Variants in TAPT1 observed in about 807,000 individuals in gnomAD.
TAPT1 encodes the protein transmembrane anterior posterior transformation protein 1 homolog.
In TAPT1, 28 loss-of-function variants were observed where a neutral mutation model predicts 65.6. The observed-to-expected ratio is 0.43, with a 90% confidence interval of 0.32 to 0.59. The LOEUF is 0.59. TAPT1 is among the 20% of genes least tolerant of loss of function. TAPT1 has a pLI of 0.09. For synonymous variants in TAPT1, 278 were observed against 245.2 expected (o/e 1.13, Z -1.25); for missense variants, 563 against 679.9 (o/e 0.83, Z 1.91).
Position 16,174,109 on chromosome 4 carries a change from A to C in TAPT1, c.1236+95T>G, listed in dbSNP as rs1748174953. The C allele has an allele frequency of 1.4e-5, 15 of 1,056,626 alleles. No homozygotes were observed. In the South Asian group the frequency reaches 2.4e-4, roughly 17 times the overall value. The allele number at this position is 1,056,626 out of a possible 1,614,324, so 65.5% of individuals were successfully genotyped here. A position where few individuals can be genotyped will look rare whatever the true frequency, so the allele number is the denominator to read the frequency against. ...TTATTTACCCTTAATTTTTATATCA[A>C]GTCCTTTTGAAACAATCATATTAAT... On this transcript the variant is annotated intron_variant, in intron 11 of 13. Transcript: ENST00000405303.
chr4:16,186,739 G>T, intron 6 of TAPT1, 42 bp downstream of exon 6: 1 of 1,463,188 alleles, frequency 6.8e-7, no homozygotes. Context: ...CAGCTGAAAT[G>T]CCTGTATAAC....
chr4:16,181,409 T>G (rs1349402123), intron 7 of TAPT1, among the ~76,000 whole-genome samples: 1 of 152,234 alleles, frequency 6.6e-6, no homozygotes, highest in East Asian at 1.9e-4. Flanking sequence ...AAGTAACTTT[T>G]GTAAACTCTA....
intron 12 of TAPT1, among the ~76,000 whole-genome samples, chr4:16,169,331 C>T (rs944199851): frequency 1.1e-4 from 17 of 152,328 alleles, no homozygotes; most frequent in African/African-American, 3.1e-4. Context: ...ATACATGCTT[C>T]ATTTCCTGAT....
At chr4:16,174,388 C>T (rs1276179964) in intron 10 of TAPT1, 116 bp from the exon 11 acceptor site, 10 of 861,010 alleles carry the variant, frequency 1.2e-5, no homozygotes, top group Middle Eastern at 4.9e-4. Flanking sequence ...GGAGCAAGAA[C>T]AGAACCTGGC....
intron 8 of TAPT1, among the ~76,000 whole-genome samples, chr4:16,178,782 T>C (rs1748515127): frequency 6.6e-6 from 1 of 152,158 alleles, no homozygotes; most frequent in African/African-American, 2.4e-5. Flanking sequence ...AGTAGCAAAA[T>C]TTCCACCTTA....
At chr4:16,188,448 G>A (rs1749153182) in intron 4 of TAPT1, 93 bp from the exon 5 acceptor site, 3 of 1,066,040 alleles carry the variant, frequency 2.8e-6, no homozygotes, top group Admixed American at 3.2e-5. Flanking sequence ...GGAGATCTGT[G>A]TTTTAAATCC....
chr4:16,221,203 C>T (rs1751237247), intron 1 of TAPT1, among the ~76,000 whole-genome samples: 1 of 152,106 alleles, frequency 6.6e-6, no homozygotes. Flanking sequence ...TCACTGCAAC[C>T]TCCACCTCCA....
At chr4:16,186,184 A>G (rs1048730973) in intron 7 of TAPT1, among the ~76,000 whole-genome samples, 1 of 152,250 alleles carries the variant, frequency 6.6e-6, no homozygotes, top group Non-Finnish European at 1.5e-5. Context: ...ATTTATAGAC[A>G]TAGTTCTCCT....
chr4:16,165,146 T>C (rs933826599), intron 13 of TAPT1, among the ~76,000 whole-genome samples: 5 of 152,154 alleles, frequency 3.3e-5, no homozygotes, highest in Non-Finnish European at 7.4e-5. Context: ...CCCCCTCTCC[T>C]GTCCCTCCAA....
chr4:16,225,982 C>G (rs995647431), intron 1 of TAPT1: 2 of 996,290 alleles, frequency 2.0e-6, no homozygotes, highest in Non-Finnish European at 2.4e-6. Flanking sequence ...TGCAAGGACC[C>G]GGACAGAACT....
intron 7 of TAPT1, among the ~76,000 whole-genome samples, chr4:16,183,271 G>A (rs7664407): frequency 0.094 from 14,251 of 152,126 alleles, 2,111 homozygotes; most frequent in African/African-American, 0.31. Context: ...GGACCACCTT[G>A]CATTGTAACA....
At chr4:16,179,389 C>A in intron 8 of TAPT1, 188 bp downstream of exon 8, 1 of 459,976 alleles carries the variant, frequency 2.2e-6, no homozygotes, top group Non-Finnish European at 3.9e-6. Context: ...ATGGGACCAC[C>A]ATCGTATATG....
chr4:16,214,180 T>C (rs559847233), intron 1 of TAPT1, among the ~76,000 whole-genome samples: 1 of 152,328 alleles, frequency 6.6e-6, no homozygotes, highest in African/African-American at 2.4e-5. Flanking sequence ...GTCTTGGTTC[T>C]TACAGGTGAT....
rs556563985 is a variant in TAPT1 at position 16,211,097 on chromosome 4, T to G, written c.330+2671A>C. Among the ~76,000 whole-genome samples the G allele has an allele frequency of 2.0e-5, 3 of 152,138 alleles. No individual in the cohort carries two copies. The East Asian group carries it at 5.8e-4, about 29-fold the overall frequency. On this transcript the variant is annotated intron_variant, in intron 2 of 13. Transcript: ENST00000405303. ...TTGATAAGACATATTAAGTTGACCT[T>G]TATCTTAAAATATAAAAATTAATTA...
chr4:16,180,018 T>C (rs919422412), intron 7 of TAPT1, among the ~76,000 whole-genome samples: 1 of 152,006 alleles, frequency 6.6e-6, no homozygotes, highest in African/African-American at 2.4e-5. Flanking sequence ...GAAGAAAAAA[T>C]AGAAGCAAAG....
intron 3 of TAPT1, among the ~76,000 whole-genome samples, chr4:16,199,950 C>T (rs971046368): frequency 6.6e-6 from 1 of 152,088 alleles, no homozygotes; most frequent in Non-Finnish European, 1.5e-5. Context: ...AGGGGCTACA[C>T]AGAAATGAAC....
intron 1 of TAPT1, among the ~76,000 whole-genome samples, chr4:16,214,261 A>G (rs1367336017): frequency 6.6e-6 from 1 of 152,204 alleles, no homozygotes; most frequent in Non-Finnish European, 1.5e-5. Flanking sequence ...AGAGCAATAT[A>G]TAGAGTCAAA....
Position 16,226,262 on chromosome 4 carries a change from T to G in TAPT1, c.196A>C (p.Thr66Pro), listed in dbSNP as rs1751554775. Residue 66 changes from threonine to proline, a missense_variant, in exon 1 of 14, where the codon ACA becomes CCA. Transcript: ENST00000405303. The part of the protein sequence containing the change: ...DRRRERRRGR[T>P]ELSLLRFLSA... ...GGCCTAGCGCCGCCCGCCTCACCTG[T>G]GCGGCCCCGGCGCCTCTCCCGCCGC... 1 of 1,121,824 alleles carries G rather than the reference T, an allele frequency of 8.9e-7. No homozygotes were observed. Among genetic ancestry groups the G allele is most frequent in the African/African-American group, 1.7e-5 (1 of 60,080 alleles). The allele number at this position is 1,121,824 out of a possible 1,614,324, so 69.5% of individuals were successfully genotyped here.
chr4:16,170,526 T>C, intron 12 of TAPT1, 127 bp downstream of exon 12: 1 of 584,904 alleles, frequency 1.7e-6, no homozygotes, highest in Non-Finnish European at 3.1e-6. Flanking sequence ...CACTTGGAGG[T>C]ATAGCTGTTG....
Sources: gnomAD v4.1 joint callset for allele counts (sites outside exome capture counted in the v4.1 genomes callset) on GRCh38, gnomAD v4.1.1 for gene constraint, MANE v1.5 for transcripts, NCBI Gene and HGNC (gene_info 2026-07-23, HGNC 2026-07-21) for gene names.